Variants in CDK10 observed in about 807,000 individuals in gnomAD.
CDK10 encodes cyclin-dependent kinase 10.
CDK10 carries 55 observed loss-of-function variants against 51.0 expected under a neutral mutation model. The observed-to-expected ratio is 1.08, with a 90% CI of 0.87 to 1.35. CDK10 has a LOEUF of 1.35. Among genes scored for constraint, CDK10 ranks in the 40% most tolerant of loss-of-function variants. The pLI is 0.00. For synonymous variants in CDK10, 255 were observed against 199.1 expected (o/e 1.28, Z -2.36); for missense variants, 589 against 485.1 (o/e 1.21, Z -2.01).
chr16:89,692,581 T>C, intron 6 of CDK10, 65 bp downstream of exon 6: 1 of 1,250,414 alleles, frequency 8.0e-7, no homozygotes, highest in Non-Finnish European at 1.1e-6. Context: ...GCTGCCCCTG[T>C]GGAGTTACTA....
chr16:89,692,251 CG>C, intron 5 of CDK10, 197 bp from the exon 6 acceptor site: 1 of 537,030 alleles, frequency 1.9e-6, no homozygotes. Flanking sequence ...AGTGCAGCCC[CG>C]GGGCCAAGAG....
At chr16:89,693,113 G>A (rs1469025905) in intron 6 of CDK10, among the ~76,000 whole-genome samples, 161 bp from the exon 7 acceptor site, 3 of 150,918 alleles carry the variant, frequency 2.0e-5, no homozygotes, top group African/African-American at 7.3e-5. Context: ...ACTCCAGCCT[G>A]GGCGACAGAG....
intron 4 of CDK10, 97 bp from the exon 5 acceptor site, chr16:89,691,709 G>A (rs1032315106): frequency 2.2e-6 from 3 of 1,338,666 alleles, no homozygotes; most frequent in African/African-American, 1.4e-5. Context: ...GGGGACACAG[G>A]TTGTCCTGCC....
chr16:89,695,089 G>T lies in CDK10; in HGVS notation c.932+19G>T, dbSNP rs367782553. 13 of 1,606,420 alleles carry T rather than the reference G, an allele frequency of 8.1e-6. No homozygotes were observed. The highest frequency in any genetic ancestry group is 1.3e-5 in the African/African-American group (1 of 74,876). On this transcript the variant is annotated intron_variant, in intron 11 of 12. Transcript: ENST00000353379. ...AGAAAAGGTGCTGATCTCTGCACGG[G>T]GGGCAGGGACCCTCACCACCCACAC...
rs762300822 is a variant in CDK10 at position 89,694,224 on chromosome 16, C to T, written c.660C>T (p.Ile220=). 1.1e-5 allele frequency: 18 copies of T among 1,613,696 alleles called. No homozygotes were observed. The East Asian group carries it at 2.0e-4, about 18-fold the overall frequency. Residue 220 remains isoleucine, a synonymous_variant, in exon 9 of 13, where the codon ATC becomes ATT. Transcript: ENST00000353379. ...LLGTTTQTTS[I]DMWAVGCILA... is the part of the protein sequence containing the mutation. Reference sequence around the variant, plus strand: ...GAACCACCACGCAGACCACCAGCATCGACATGTGGTGAGGAGATACGGTTA... The same window carrying T: ...GAACCACCACGCAGACCACCAGCATTGACATGTGGTGAGGAGATACGGTTA...
chr16:89,695,702 T>G lies in CDK10; in HGVS notation c.*10T>G, dbSNP rs1362492243. 1.9e-6 allele frequency: 3 copies of G among 1,592,056 alleles called. No homozygotes were observed. The South Asian group carries it at 3.4e-5, about 18-fold the overall frequency. ...GCGCTGTAAACCCTGACGGTGGGCC[T>G]GGCACACGCCTGTATTCCCACACCA... is the stretch of plus-strand genomic sequence containing the variant. On this transcript the variant is annotated 3_prime_UTR_variant, in exon 13 of 13. Coordinates refer to ENST00000353379, the MANE Select transcript of CDK10 (RefSeq NM_052988.5).
At chr16:89,692,627 G>A (rs749134919) in intron 6 of CDK10, 111 bp downstream of exon 6, 19 of 680,502 alleles carry the variant, frequency 2.8e-5, no homozygotes, top group Middle Eastern at 5.5e-4. Flanking sequence ...CAGCCTGCCC[G>A]CTGCTCGCAC....
Position 89,695,951 on chromosome 16 carries a change from G to A in CDK10, c.*259G>A. 2 of 652,666 alleles carry A rather than the reference G, an allele frequency of 3.1e-6. No homozygotes were observed. The highest frequency in any genetic ancestry group is 5.4e-6 in the Non-Finnish European group (2 of 372,886). The allele number at this position is 652,666 out of a possible 1,614,324, so 40.4% of individuals were successfully genotyped here. On this transcript the variant is annotated 3_prime_UTR_variant, in exon 13 of 13. Transcript: ENST00000353379. The stretch of plus-strand genomic sequence containing the variant: ...TGGCGGCTCCATCCGTGGCTGCAGG[G>A]GTCTCATGTGGTCCTCCTCGCTATG...
chr16:89,688,392 T>G (rs894028351), intron 1 of CDK10, among the ~76,000 whole-genome samples: 4 of 152,108 alleles, frequency 2.6e-5, no homozygotes, highest in Non-Finnish European at 4.4e-5. Flanking sequence ...TACATGTGCT[T>G]CTTAGATCCA....
Position 89,694,055 on chromosome 16 carries a change from G to A in CDK10, c.609-118G>A, listed in dbSNP as rs904509271. ...ATCTGCAGGGCCTGGGGCAGAGGGT[G>A]GTCCGAGTTGGGACAGGTTTCCAGG... is the stretch of plus-strand genomic sequence containing the variant. On this transcript the variant is annotated intron_variant, in intron 8 of 12. Coordinates refer to ENST00000353379, the MANE Select transcript of CDK10 (RefSeq NM_052988.5). The A allele has an allele frequency of 4.2e-6, 4 of 947,228 alleles. No homozygotes were observed. In the African/African-American group the frequency reaches 4.9e-5, roughly 12 times the overall value. 58.7% of individuals were successfully genotyped at this position (947,228 alleles called of 1,614,324 possible). A position where few individuals can be genotyped will look rare whatever the true frequency, so the allele number is the denominator to read the frequency against.
chr16:89,695,841 T>C lies in CDK10; in HGVS notation c.*149T>C. On this transcript the variant is annotated 3_prime_UTR_variant, in exon 13 of 13. Coordinates refer to ENST00000353379, the MANE Select transcript of CDK10 (RefSeq NM_052988.5). ...ATCCTCCACTGACTTCCTCCCACTGTCTGCCCTGAACCCACTGCTGCCCCC... is the reference window on the plus strand; with the variant it reads ...ATCCTCCACTGACTTCCTCCCACTGCCTGCCCTGAACCCACTGCTGCCCCC... The C allele has an allele frequency of 6.6e-7, 1 of 1,521,792 alleles. No homozygotes were observed. Among genetic ancestry groups the C allele is most frequent in the East Asian group, 2.4e-5 (1 of 41,034 alleles). The allele number at this position is 1,521,792 out of a possible 1,614,324, so 94.3% of individuals were successfully genotyped here.
chr16:89,694,045 G>A, intron 8 of CDK10, 128 bp from the exon 9 acceptor site: 1 of 869,418 alleles, frequency 1.2e-6, no homozygotes, highest in Non-Finnish European at 1.9e-6. Context: ...CAGGGCCTGG[G>A]GCAGAGGGTG....
In CDK10 at chr16:89,695,620, C is replaced by G. The variant is rs916019057; in HGVS notation, c.1011C>G (p.Thr337=). The change falls in exon 13 of 13, where the codon ACC becomes ACG. Residue 337 remains threonine (T), a synonymous_variant. Coordinates refer to ENST00000353379, the MANE Select transcript of CDK10 (RefSeq NM_052988.5). ...PLPCEPELMP[T]FPHHRNKRAA... ...CCTGTGAGCCGGAGCTCATGCCGAC[C>G]TTTCCCCACCACCGCAACAAGCGGG... 8 of 1,606,108 alleles carry G rather than the reference C, an allele frequency of 5.0e-6. No homozygotes were observed. Among genetic ancestry groups the G allele is most frequent in the East Asian group, 4.5e-5 (2 of 44,454 alleles).
rs575406993 is a variant in CDK10 at position 89,696,107 on chromosome 16, G to A, written c.*415G>A. ...CCTTCGTATCCCCTCTCAGTCGCCC[G>A]GGGCTGTCCCGTGCATGGGTTGGCT... On this transcript the variant is annotated 3_prime_UTR_variant, in exon 13 of 13. Coordinates refer to ENST00000353379, the MANE Select transcript of CDK10 (RefSeq NM_052988.5). The A allele has an allele frequency of 2.6e-5, 12 of 468,714 alleles. No individual in the cohort carries two copies. The East Asian group carries it at 3.6e-4, about 14-fold the overall frequency. The allele number at this position is 468,714 out of a possible 1,614,324, so 29.0% of individuals were successfully genotyped here.
chr16:89,688,269 A>G (rs543285371), intron 1 of CDK10, among the ~76,000 whole-genome samples: 155 of 151,950 alleles, frequency 1.0e-3, no homozygotes, highest in Admixed American at 8.3e-3. Context: ...TTTTTAGTAG[A>G]GACGGAGTTT....
chr16:89,691,379 G>A, intron 3 of CDK10, 64 bp from the exon 4 acceptor site: 1 of 1,249,362 alleles, frequency 8.0e-7, no homozygotes, highest in Non-Finnish European at 1.1e-6. Flanking sequence ...CCCAAGAGTG[G>A]CTGGGGTTGG....
intron 1 of CDK10, among the ~76,000 whole-genome samples, chr16:89,688,248 A>G (rs1035005317): frequency 6.6e-6 from 1 of 151,656 alleles, no homozygotes; most frequent in African/African-American, 2.4e-5. Flanking sequence ...CGCCCAGCTA[A>G]TTTTTTCATA....
Position 89,695,602 on chromosome 16 carries a change from G to A in CDK10, c.993G>A (p.Glu331=). 1 of 1,603,780 alleles carries A rather than the reference G, an allele frequency of 6.2e-7. No homozygotes were observed. The highest frequency in any genetic ancestry group is 8.5e-7 in the Non-Finnish European group (1 of 1,176,752). The change falls in exon 13 of 13, where the codon GAG becomes GAA. Residue 331 remains glutamate (E), a synonymous_variant. Transcript: ENST00000353379. The part of the protein sequence containing the change: ...SYFKEKPLPC[E]PELMPTFPHH... ...GAACCCTTCTCCCTGCAGCCTGTGA[G>A]CCGGAGCTCATGCCGACCTTTCCCC...
rs768266596 is a variant in CDK10 at position 89,694,361 on chromosome 16, C to A, written c.668+129C>A. 5.8e-6 allele frequency: 6 copies of A among 1,028,828 alleles called. No homozygotes were observed. The African/African-American group carries it at 9.6e-5, about 16-fold the overall frequency. 63.7% of individuals were successfully genotyped at this position (1,028,828 alleles called of 1,614,324 possible). ...GTGGGGTCTTTGCCAGCCTCCCACTCCCAGGGAGGTGGGCCTGAGCCTGGA... is the reference window on the plus strand; with the variant it reads ...GTGGGGTCTTTGCCAGCCTCCCACTACCAGGGAGGTGGGCCTGAGCCTGGA... On this transcript the variant is annotated intron_variant, in intron 9 of 12. Transcript: ENST00000353379.
Sources: allele counts gnomAD v4.1 joint callset (sites outside exome capture counted in the v4.1 genomes callset), GRCh38; gene constraint gnomAD v4.1.1; transcripts MANE v1.5; gene names NCBI Gene and HGNC (gene_info 2026-07-23, HGNC 2026-07-21).